GLIS1: variants seen among roughly 807,000 people sequenced by gnomAD.
GLIS1 encodes the protein GLIS family zinc finger 1, also known as zinc finger protein GLIS1.
Under a neutral mutation model 63.8 loss-of-function variants are expected in GLIS1, and 24 were observed. The ratio of observed to expected loss-of-function variants is 0.38; its 90% CI spans 0.27 to 0.53. GLIS1 has a LOEUF of 0.53. Among genes scored for constraint, GLIS1 ranks in the 20% least tolerant of loss-of-function variants. The probability of loss-of-function intolerance (pLI) is 0.85; values close to 1 mark genes in which losing one functional copy is unlikely to be tolerated. For synonymous variants in GLIS1, 450 were observed against 482.5 expected (o/e 0.93, Z 0.88); for missense variants, 1,036 against 1,074.1 (o/e 0.96, Z 0.50).
At chr1:53,643,674 C>T (rs1427394421) in intron 2 of GLIS1, among the ~76,000 whole-genome samples, 2 of 152,218 alleles carry the variant, frequency 1.3e-5, no homozygotes, top group African/African-American at 4.8e-5. Context: ...TCACTTTCCA[C>T]ACCACGAACA....
rs575513738 is a variant in GLIS1 at position 53,539,575 on chromosome 1, C to T, written c.1321-9623G>A. On this transcript the variant is annotated intron_variant, in intron 4 of 10. Coordinates refer to ENST00000628545, the MANE Select transcript of GLIS1 (RefSeq NM_001367484.1). The surrounding 1 kb of genome is among the most constrained non-coding windows in gnomAD (Gnocchi z 5.0). The stretch of plus-strand genomic sequence containing the variant: ...CCCCACACACACTACACATCATACA[C>T]ATAAACTGTGTTTACACCCCATGAC... Among the ~76,000 whole-genome samples the T allele has an allele frequency of 6.6e-6, 1 of 151,258 alleles. No homozygotes were observed. Among genetic ancestry groups the T allele is most frequent in the Non-Finnish European group, 1.5e-5 (1 of 67,852 alleles).
At chr1:53,707,237 G>A (rs1160017624) in intron 2 of GLIS1, among the ~76,000 whole-genome samples, 3 of 152,166 alleles carry the variant, frequency 2.0e-5, no homozygotes, top group African/African-American at 7.2e-5. Flanking sequence ...ACATAACCTA[G>A]AGCTCAAGTC....
intron 4 of GLIS1, among the ~76,000 whole-genome samples, chr1:53,554,745 C>T (rs2100414420): frequency 6.6e-6 from 1 of 152,296 alleles, no homozygotes; most frequent in South Asian, 2.1e-4. Context: ...ATCATTGGGC[C>T]CCCACAGCCG....
At chr1:53,575,146 T>A (rs1339411250) in intron 4 of GLIS1, among the ~76,000 whole-genome samples, 1 of 152,064 alleles carries the variant, frequency 6.6e-6, no homozygotes, top group East Asian at 1.9e-4. Context: ...TTTCTAGAAT[T>A]AAATTATCTG....
chr1:53,521,401 A>G (rs1486289544), intron 6 of GLIS1, among the ~76,000 whole-genome samples: 1 of 151,988 alleles, frequency 6.6e-6, no homozygotes, highest in Non-Finnish European at 1.5e-5. Flanking sequence ...GAAATAGTTC[A>G]GGGCTAGGGA....
At chr1:53,632,862 A>G (rs1166379495) in intron 2 of GLIS1, among the ~76,000 whole-genome samples, 3 of 126,232 alleles carry the variant, frequency 2.4e-5, no homozygotes, top group Admixed American at 8.1e-5. Flanking sequence ...TGTGACCGAG[A>G]GGCATGTGTA....
chr1:53,635,957 C>T (rs1645718314), intron 2 of GLIS1, among the ~76,000 whole-genome samples: 1 of 152,128 alleles, frequency 6.6e-6, no homozygotes, highest in African/African-American at 2.4e-5. Flanking sequence ...GGTTTTAAAT[C>T]TTCCCATAAA....
intron 2 of GLIS1, among the ~76,000 whole-genome samples, chr1:53,632,007 T>C (rs1039725186): frequency 2.0e-5 from 3 of 150,978 alleles, no homozygotes; most frequent in African/African-American, 7.3e-5. Flanking sequence ...AAGGGGCGTG[T>C]GAATGAGTGT....
intron 4 of GLIS1, among the ~76,000 whole-genome samples, chr1:53,554,189 T>C (rs1329904194): frequency 1.3e-5 from 2 of 152,042 alleles, no homozygotes; most frequent in Admixed American, 6.5e-5. Flanking sequence ...TCCCATCTGC[T>C]CTCTCATCTA....
Position 53,687,241 on chromosome 1 carries a change from G to C in GLIS1, c.259+50565C>G, listed in dbSNP as rs980289226. Reference sequence around the variant, plus strand: ...GCTTGCCTCTTGGGCAGAGGAGGACGGAAGTAGTCCCAGCTCCCAAGGCCC... The same window carrying C: ...GCTTGCCTCTTGGGCAGAGGAGGACCGAAGTAGTCCCAGCTCCCAAGGCCC... On this transcript the variant is annotated intron_variant, in intron 2 of 10. Coordinates refer to ENST00000628545, the MANE Select transcript of GLIS1 (RefSeq NM_001367484.1). Among the ~76,000 whole-genome samples the C allele has an allele frequency of 5.3e-5, 8 of 152,188 alleles. No homozygotes were observed. The East Asian group carries it at 1.5e-3, about 29-fold the overall frequency.
chr1:53,682,707 T>G (rs1339797958), intron 2 of GLIS1, among the ~76,000 whole-genome samples: 1 of 152,188 alleles, frequency 6.6e-6, no homozygotes, highest in Non-Finnish European at 1.5e-5. Flanking sequence ...GGAGCTGCCT[T>G]TCATAACAAG....
intron 4 of GLIS1, among the ~76,000 whole-genome samples, chr1:53,592,340 A>G (rs1645200058): frequency 1.3e-5 from 2 of 152,128 alleles, no homozygotes; most frequent in South Asian, 4.1e-4. Context: ...AAGACCACTA[A>G]CCACAGGCAG....
intron 4 of GLIS1, among the ~76,000 whole-genome samples, chr1:53,550,973 T>C (rs573627145): frequency 1.1e-3 from 173 of 152,168 alleles, no homozygotes; most frequent in African/African-American, 3.8e-3. Flanking sequence ...GCCTCAGCCT[T>C]CCAAGTAGCT....
intron 4 of GLIS1, among the ~76,000 whole-genome samples, chr1:53,551,596 A>C (rs773710739): frequency 2.8e-4 from 43 of 152,174 alleles, no homozygotes; most frequent in Non-Finnish European, 5.7e-4. Context: ...GGAACCAACA[A>C]GAAGCCCCGC....
chr1:53,672,839 G>A lies in GLIS1; in HGVS notation c.259+64967C>T, dbSNP rs555792593. On this transcript the variant is annotated intron_variant, in intron 2 of 10. Coordinates refer to ENST00000628545, the MANE Select transcript of GLIS1 (RefSeq NM_001367484.1). ...AGCTCAGGGCTGGGTATAAAAGCGG[G>A]CCGTGATCTCCCAAATGTAGCTGCC... Among the ~76,000 whole-genome samples, 5 of 152,268 alleles carry A rather than the reference G, an allele frequency of 3.3e-5. No homozygotes were observed. The East Asian group carries it at 5.8e-4, about 18-fold the overall frequency.
Position 53,511,388 on chromosome 1 carries a change from G to C in GLIS1, c.1884-1361C>G, listed in dbSNP as rs1644296599. Among the ~76,000 whole-genome samples the C allele has an allele frequency of 6.6e-6, 1 of 152,180 alleles. No homozygotes were observed. The highest frequency in any genetic ancestry group is 1.5e-5 in the Non-Finnish European group (1 of 68,034). On this transcript the variant is annotated intron_variant, in intron 8 of 10. Coordinates refer to ENST00000628545, the MANE Select transcript of GLIS1 (RefSeq NM_001367484.1). This position sits in a 1 kb window ranked among gnomAD's most constrained non-coding sequence, Gnocchi z 4.2. The stretch of plus-strand genomic sequence containing the variant: ...ATGGGGAAAGCAGATTTGGAGAGAG[G>C]CTGGGGTCTCCGCATCTGTGCTGTG...
At chr1:53,624,238 C>A (rs886090773) in intron 2 of GLIS1, among the ~76,000 whole-genome samples, 3 of 152,186 alleles carry the variant, frequency 2.0e-5, no homozygotes, top group African/African-American at 7.2e-5. Flanking sequence ...ATTAAATCCA[C>A]ATTTACATGG....
intron 4 of GLIS1, among the ~76,000 whole-genome samples, chr1:53,571,707 G>C (rs1644985875): frequency 6.6e-6 from 1 of 152,034 alleles, no homozygotes; most frequent in African/African-American, 2.4e-5. Flanking sequence ...CTCCCAAGTA[G>C]CTGGGACTAT....
At chr1:53,732,780 T>G (rs535930570) in intron 2 of GLIS1, among the ~76,000 whole-genome samples, 80 of 143,298 alleles carry the variant, frequency 5.6e-4, no homozygotes, top group African/African-American at 2.0e-3. Flanking sequence ...AGGTCCAAAA[T>G]AATTGCAACG....
Sources: gnomAD v4.1 joint callset for allele counts (sites outside exome capture counted in the v4.1 genomes callset) on GRCh38, gnomAD v4.1.1 for gene constraint, Gnocchi (gnomAD v3.1) non-coding constraint, MANE v1.5 for transcripts, NCBI Gene and HGNC (gene_info 2026-07-23, HGNC 2026-07-21) for gene names.